The following TRPM3 variants were observed in gnomAD, a reference collection of about 807,000 sequenced individuals.
TRPM3 encodes transient receptor potential cation channel subfamily M member 3.
In TRPM3, 77 loss-of-function variants were observed where a neutral mutation model predicts 181.2. The ratio of observed to expected loss-of-function variants is 0.42; its 90% CI spans 0.35 to 0.51. The LOEUF is 0.51. Ranked by LOEUF, TRPM3 falls within the 20% of genes least tolerant of loss-of-function variation. The pLI is 0.01. For synonymous variants in TRPM3, 745 were observed against 796.4 expected, an observed-to-expected ratio of 0.94 and a Z score of 1.09; for missense variants, 1,759 against 2,196.7, an observed-to-expected ratio of 0.80 and a Z score of 3.98.
intron 1 of TRPM3, among the ~76,000 whole-genome samples, chr9:71,096,007 G>C (rs902450354): frequency 2.0e-5 from 3 of 152,150 alleles, no homozygotes; most frequent in African/African-American, 7.2e-5. Flanking sequence ...TGGTTTTGTG[G>C]AGACCACCTT....
At chr9:70,548,078 T>C (rs968775347) in intron 25 of TRPM3, among the ~76,000 whole-genome samples, 1 of 152,220 alleles carries the variant, frequency 6.6e-6, no homozygotes, top group Non-Finnish European at 1.5e-5. Context: ...TTAAAAAGCA[T>C]TTCAAAGGCC....
chr9:70,884,671 A>C (rs148326251), intron 1 of TRPM3, among the ~76,000 whole-genome samples: 4 of 152,270 alleles, frequency 2.6e-5, no homozygotes, highest in African/African-American at 9.6e-5. Context: ...CAACATCCTA[A>C]ATGTGTTTGG....
chr9:70,760,381 G>A (rs547055053), intron 8 of TRPM3, among the ~76,000 whole-genome samples: 10 of 149,128 alleles, frequency 6.7e-5, no homozygotes, highest in Admixed American at 4.1e-4. Context: ...GGAAGTATTC[G>A]AGCTGCAACA....
intron 25 of TRPM3, among the ~76,000 whole-genome samples, chr9:70,544,602 G>A (rs1360025181): frequency 1.3e-5 from 2 of 151,974 alleles, no homozygotes; most frequent in East Asian, 3.9e-4. Flanking sequence ...CTGTGCTTGT[G>A]AGCATTTTGG....
At chr9:70,585,845 C>A (rs1348362386) in intron 22 of TRPM3, among the ~76,000 whole-genome samples, 1 of 152,174 alleles carries the variant, frequency 6.6e-6, no homozygotes, top group Non-Finnish European at 1.5e-5. Context: ...AAACATACAT[C>A]TTGATCATGG....
At chr9:71,171,533 T>C (rs138123549) in intron 1 of TRPM3, among the ~76,000 whole-genome samples, 323 of 152,308 alleles carry the variant, frequency 2.1e-3, no homozygotes, top group African/African-American at 6.8e-3. Context: ...TACGTGAATA[T>C]CGGGGCAGGT....
At chr9:70,668,392 C>T (rs1163830969) in intron 9 of TRPM3, among the ~76,000 whole-genome samples, 7 of 152,148 alleles carry the variant, frequency 4.6e-5, no homozygotes, top group South Asian at 2.1e-4. Flanking sequence ...GGGCCGGGCG[C>T]GGTGGCTCAC....
intron 1 of TRPM3, among the ~76,000 whole-genome samples, chr9:71,329,488 G>T (rs756224635): frequency 4.6e-5 from 7 of 152,134 alleles, no homozygotes; most frequent in African/African-American, 1.7e-4. Flanking sequence ...GTTCAAAGGG[G>T]CCATAAAGAT....
intron 1 of TRPM3, among the ~76,000 whole-genome samples, chr9:71,093,605 G>A (rs2066608850): frequency 6.6e-6 from 1 of 152,212 alleles, no homozygotes; most frequent in Non-Finnish European, 1.5e-5. Flanking sequence ...TGGAAAGGAT[G>A]TGGAGAAATA....
intron 1 of TRPM3, among the ~76,000 whole-genome samples, chr9:71,282,762 C>T (rs2084949138): frequency 6.6e-6 from 1 of 152,152 alleles, no homozygotes; most frequent in Non-Finnish European, 1.5e-5. Flanking sequence ...TAAAATAACT[C>T]ATTTACTAAC....
chr9:70,673,587 G>T (rs1449437825), intron 9 of TRPM3, among the ~76,000 whole-genome samples: 6 of 152,064 alleles, frequency 3.9e-5, no homozygotes, highest in African/African-American at 1.4e-4. Context: ...TTTTGACTTT[G>T]TAGATTGCTT....
intron 25 of TRPM3, among the ~76,000 whole-genome samples, chr9:70,538,751 C>G (rs1427011425): frequency 6.6e-6 from 1 of 152,180 alleles, no homozygotes; most frequent in Non-Finnish European, 1.5e-5. Context: ...TCTCATATTC[C>G]TGTTTTCATT....
chr9:70,870,296 C>T (rs1324144075), intron 1 of TRPM3, among the ~76,000 whole-genome samples: 1 of 152,030 alleles, frequency 6.6e-6, no homozygotes, highest in Non-Finnish European at 1.5e-5. Flanking sequence ...ATTTTCTGGT[C>T]TGTAACTTGC....
intron 1 of TRPM3, among the ~76,000 whole-genome samples, chr9:71,409,449 G>A (rs1243379709): frequency 6.6e-6 from 1 of 151,970 alleles, no homozygotes; most frequent in African/African-American, 2.4e-5. Flanking sequence ...AAAAGGCAGG[G>A]GTTGCAAATC....
At chr9:71,212,769 T>A (rs2079585958) in intron 1 of TRPM3, among the ~76,000 whole-genome samples, 1 of 152,344 alleles carries the variant, frequency 6.6e-6, no homozygotes, top group African/African-American at 2.4e-5. Flanking sequence ...AAAGTAAAAC[T>A]CTATTTTAAT....
chr9:70,587,046 A>T (rs999340473), intron 22 of TRPM3, among the ~76,000 whole-genome samples: 1 of 152,158 alleles, frequency 6.6e-6, no homozygotes, highest in Non-Finnish European at 1.5e-5. Flanking sequence ...ATATACATAC[A>T]TAAATAAAGC....
chr9:70,886,651 A>G (rs1380542352), intron 1 of TRPM3, among the ~76,000 whole-genome samples: 1 of 151,962 alleles, frequency 6.6e-6, no homozygotes, highest in Non-Finnish European at 1.5e-5. Flanking sequence ...ATAATGAGTC[A>G]ACACTTTTTT....
At chr9:71,202,453 C>G (rs1392492960) in intron 1 of TRPM3, among the ~76,000 whole-genome samples, 2 of 152,166 alleles carry the variant, frequency 1.3e-5, no homozygotes, top group African/African-American at 2.4e-5. Context: ...TCATGAGAGG[C>G]CTTGGTCACT....
At chr9:71,095,597 A>G (rs2067009124) in intron 1 of TRPM3, among the ~76,000 whole-genome samples, 1 of 151,924 alleles carries the variant, frequency 6.6e-6, no homozygotes, top group Non-Finnish European at 1.5e-5. Context: ...CGTCCCTACT[A>G]AAAATACAAA....
Sources: allele counts gnomAD v4.1 joint callset (sites outside exome capture counted in the v4.1 genomes callset), GRCh38; gene constraint gnomAD v4.1.1; transcripts MANE v1.5; gene names NCBI Gene and HGNC (gene_info 2026-07-23, HGNC 2026-07-21).